The following TTC17 variants were observed in gnomAD, a reference collection of about 807,000 sequenced individuals.
The protein encoded by TTC17 is tetratricopeptide repeat domain 17.
TTC17 carries 58 observed loss-of-function variants against 143.8 expected under a neutral mutation model. The ratio of observed to expected loss-of-function variants is 0.40; its 90% CI spans 0.33 to 0.50. TTC17 has a LOEUF of 0.50. TTC17 is among the 20% of genes least tolerant of loss of function. The pLI, the probability that TTC17 is intolerant of heterozygous loss-of-function variation, is 0.49. For synonymous variants in TTC17, 501 were observed against 497.8 expected, an observed-to-expected ratio of 1.01 and a Z score of -0.09; for missense variants, 1,273 against 1,392.5, an observed-to-expected ratio of 0.91 and a Z score of 1.37.
At chr11:43,420,375 G>T (rs1946872806) in intron 16 of TTC17, among the ~76,000 whole-genome samples, 1 of 152,138 alleles carries the variant, frequency 6.6e-6, no homozygotes, top group Non-Finnish European at 1.5e-5. Context: ...CACTTTTTAT[G>T]TCATCCCTCA....
intron 21 of TTC17, among the ~76,000 whole-genome samples, chr11:43,473,313 T>G (rs964972512): frequency 6.6e-6 from 1 of 152,114 alleles, no homozygotes; most frequent in African/African-American, 2.4e-5. Context: ...GTAAAAGATA[T>G]GGTATATCAG....
chr11:43,490,411 C>A, intron 22 of TTC17, 53 bp downstream of exon 22: 1 of 1,543,050 alleles, frequency 6.5e-7, no homozygotes, highest in South Asian at 1.2e-5. Flanking sequence ...TTTCCATTCC[C>A]CATGGTTTAT....
At chr11:43,410,874 T>C (rs555429532) in intron 15 of TTC17, among the ~76,000 whole-genome samples, 1 of 152,352 alleles carries the variant, frequency 6.6e-6, no homozygotes, top group Admixed American at 6.5e-5. Context: ...TTCAGTCCAC[T>C]GGCTAACCTT....
chr11:43,389,963 A>G, intron 3 of TTC17, 142 bp downstream of exon 3: 4 of 641,814 alleles, frequency 6.2e-6, no homozygotes, highest in South Asian at 2.4e-5. Flanking sequence ...TACATACTAC[A>G]TGTAGAATTC....
At chr11:43,387,527 C>T (rs1857214155) in intron 2 of TTC17, among the ~76,000 whole-genome samples, 1 of 152,052 alleles carries the variant, frequency 6.6e-6, no homozygotes, top group South Asian at 2.1e-4. Context: ...CCCCAAAAAT[C>T]TTAATGGCAT....
chr11:43,371,859 T>C (rs1356429146), intron 1 of TTC17, among the ~76,000 whole-genome samples: 4 of 152,210 alleles, frequency 2.6e-5, no homozygotes, highest in African/African-American at 9.7e-5. Flanking sequence ...AGACCAAATA[T>C]ATATTTTACA....
intron 1 of TTC17, among the ~76,000 whole-genome samples, chr11:43,376,926 A>G (rs1856782808): frequency 6.6e-6 from 1 of 152,204 alleles, no homozygotes; most frequent in South Asian, 2.1e-4. Context: ...CTTGTACAGC[A>G]TGTTATGGTT....
chr11:43,435,866 T>C (rs1565164943), intron 16 of TTC17, among the ~76,000 whole-genome samples: 1 of 152,218 alleles, frequency 6.6e-6, no homozygotes, highest in Non-Finnish European at 1.5e-5. Context: ...AAGAAAATAT[T>C]TCATGGCCAT....
At chr11:43,424,118 C>T (rs1251634875) in intron 16 of TTC17, among the ~76,000 whole-genome samples, 3 of 148,848 alleles carry the variant, frequency 2.0e-5, no homozygotes, top group Admixed American at 6.7e-5. Context: ...GGCGGAGTCT[C>T]GCTCGCTCTT....
chr11:43,383,488 G>A (rs1857054205), intron 2 of TTC17, among the ~76,000 whole-genome samples: 2 of 151,838 alleles, frequency 1.3e-5, no homozygotes, highest in East Asian at 1.9e-4. Context: ...GAGTGGCTAG[G>A]ATTACAGGCA....
Position 43,492,019 on chromosome 11 carries a change from G to A in TTC17, c.3151-1G>A. ...TCTCACCATTCTCCTTCTTCTCCCAGGATGTGCCCCTGATTAGCCTGGCCA... is the reference window on the plus strand; with the variant it reads ...TCTCACCATTCTCCTTCTTCTCCCAAGATGTGCCCCTGATTAGCCTGGCCA... On this transcript the variant is annotated splice_acceptor_variant, in intron 22 of 23. Coordinates refer to ENST00000039989, the MANE Select transcript of TTC17 (RefSeq NM_018259.6). LOFTEE classifies it high-confidence loss of function. The A allele has an allele frequency of 6.2e-7, 1 of 1,613,286 alleles. No individual in the cohort carries two copies. Among genetic ancestry groups the A allele is most frequent in the Non-Finnish European group, 8.5e-7 (1 of 1,179,692 alleles).
At chr11:43,442,301 A>G (rs541901332) in intron 16 of TTC17, among the ~76,000 whole-genome samples, 1 of 152,334 alleles carries the variant, frequency 6.6e-6, no homozygotes, top group African/African-American at 2.4e-5. Flanking sequence ...TAAATCCCTG[A>G]ACAAGCCAGA....
Position 43,444,052 on chromosome 11 carries a change from C to T in TTC17, c.2512-4C>T, listed in dbSNP as rs766899366. ...TTTGTCCCTAACATGTTTCTGTTTC[C>T]CAGATTACATTCCAGGTCAAACGTG... is the stretch of plus-strand genomic sequence containing the variant. On this transcript the variant is annotated splice_polypyrimidine_tract_variant and splice_region_variant and intron_variant, in intron 17 of 23. Transcript: ENST00000039989. 9.4e-6 allele frequency: 15 copies of T among 1,594,536 alleles called. No individual in the cohort carries two copies. The South Asian group carries it at 1.6e-4, about 17-fold the overall frequency.
At chr11:43,491,430 A>G (rs1164974413) in intron 22 of TTC17, 1 of 152,316 alleles carries the variant, frequency 6.6e-6, no homozygotes, top group East Asian at 1.9e-4. Context: ...AGGGCAAGAG[A>G]ATAAAACACT....
At chr11:43,374,476 G>A (rs2134463168) in intron 1 of TTC17, among the ~76,000 whole-genome samples, 1 of 151,664 alleles carries the variant, frequency 6.6e-6, no homozygotes, top group Non-Finnish European at 1.5e-5. Flanking sequence ...TATCAACAGA[G>A]TAAACCTATA....
chr11:43,444,673 G>A (rs1162559571), intron 18 of TTC17, among the ~76,000 whole-genome samples: 2 of 151,186 alleles, frequency 1.3e-5, no homozygotes. Context: ...GAAACATACA[G>A]TATTTCAGTA....
rs1355876738 is a variant in TTC17, at chr11:43,480,031, A to G, written c.3031-10208A>G. On this transcript the variant is annotated intron_variant, in intron 21 of 23. Transcript: ENST00000039989. ...AGTCCCTTCTCCCTCTTGCCTTCCA[A>G]TCTTCTAGTGCACATGTTTGCTGAA... is the stretch of plus-strand genomic sequence containing the variant. 2.6e-5 allele frequency among the ~76,000 whole-genome samples: 4 copies of G among 152,214 alleles called. No individual in the cohort carries two copies. In the East Asian group the frequency reaches 5.8e-4, roughly 22 times the overall value.
chr11:43,486,149 C>T (rs914515379), intron 21 of TTC17, among the ~76,000 whole-genome samples: 2 of 126,604 alleles, frequency 1.6e-5, no homozygotes, highest in African/African-American at 6.5e-5. Flanking sequence ...GCATACAATA[C>T]GCCATAGTCC....
At chr11:43,434,957 T>G (rs1234306531) in intron 16 of TTC17, among the ~76,000 whole-genome samples, 3 of 152,180 alleles carry the variant, frequency 2.0e-5, no homozygotes, top group Non-Finnish European at 4.4e-5. Context: ...GAGATGGCAT[T>G]AGAAGTACTT....
Sources: gnomAD v4.1 joint callset for allele counts (sites outside exome capture counted in the v4.1 genomes callset) on GRCh38, gnomAD v4.1.1 for gene constraint, MANE v1.5 for transcripts, NCBI Gene and HGNC (gene_info 2026-07-23, HGNC 2026-07-21) for gene names.